Variants in CCDC141 observed in about 807,000 individuals in gnomAD.
CCDC141 encodes coiled-coil domain containing 141, also known as coiled-coil domain-containing protein 141.
A neutral mutation model predicts 181.0 loss-of-function variants in CCDC141; 168 were observed. The observed-to-expected ratio is 0.93, with a 90% CI of 0.82 to 1.05. The LOEUF (loss-of-function observed/expected upper bound fraction) is 1.05. Ranked by LOEUF, CCDC141 falls within the 50% of genes least tolerant of loss-of-function variation. The probability of loss-of-function intolerance (pLI) is 0.00; values close to 1 mark genes in which losing one functional copy is unlikely to be tolerated. For synonymous variants in CCDC141, 666 were observed against 642.3 expected, an observed-to-expected ratio of 1.04 and a Z score of -0.56; for missense variants, 1,902 against 1,788.5, an observed-to-expected ratio of 1.06 and a Z score of -1.14.
At chr2:178,898,699 T>C (rs966504674) in intron 8 of CCDC141, among the ~76,000 whole-genome samples, 1 of 152,146 alleles carries the variant, frequency 6.6e-6, no homozygotes, top group African/African-American at 2.4e-5. Context: ...TAAAACAGTG[T>C]AAGTCTGTTC....
chr2:178,827,197 G>C (rs540805814), downstream of CCDC141, among the ~76,000 whole-genome samples: 1 of 151,998 alleles, frequency 6.6e-6, no homozygotes, highest in African/African-American at 2.4e-5. Context: ...TCATTCCATT[G>C]TGGTCTGAAA....
chr2:178,907,180 T>C (rs1688009538), intron 7 of CCDC141, among the ~76,000 whole-genome samples: 1 of 152,220 alleles, frequency 6.6e-6, no homozygotes, highest in Admixed American at 6.5e-5. Context: ...TCTTATTCAG[T>C]CAATGAATAT....
intron 11 of CCDC141, among the ~76,000 whole-genome samples, chr2:178,882,517 C>G (rs1686671991): frequency 6.6e-6 from 1 of 152,024 alleles, no homozygotes; most frequent in Admixed American, 6.6e-5. Flanking sequence ...TTTATTGGAA[C>G]CCATGGAGGA....
chr2:178,923,352 C>A (rs182065281), intron 6 of CCDC141, among the ~76,000 whole-genome samples: 9 of 152,246 alleles, frequency 5.9e-5, no homozygotes, highest in African/African-American at 2.2e-4. Flanking sequence ...GATCCGCCCG[C>A]CTCGGCCTCC....
chr2:178,817,815 CTTCT>C, the CCDC141 span: 1 of 287,186 alleles, frequency 3.5e-6, no homozygotes, highest in African/African-American at 2.8e-5. Flanking sequence ...CCCTCCCTCC[CTTCT>C]TTCAATGGAG....
intron 7 of CCDC141, among the ~76,000 whole-genome samples, chr2:178,909,223 AATGAT>A (rs1282956003): frequency 5.4e-5 from 8 of 149,370 alleles, no homozygotes; most frequent in Admixed American, 5.3e-4. Context: ...AGAAGGAGGG[AATGAT>A]ATATCAAGGA....
chr2:178,924,503 G>T (rs1330084120), intron 6 of CCDC141, among the ~76,000 whole-genome samples: 4 of 151,422 alleles, frequency 2.6e-5, no homozygotes, highest in African/African-American at 9.7e-5. Flanking sequence ...TTTTTTTACA[G>T]AAATGTTTAT....
chr2:179,037,690 A>T (rs1007418735), intron 2 of CCDC141, among the ~76,000 whole-genome samples: 1 of 152,228 alleles, frequency 6.6e-6, no homozygotes, highest in Admixed American at 6.5e-5. Context: ...TGGACAAAGG[A>T]TTTGAATAGA....
In CCDC141 at chr2:178,837,150, T is replaced by C. The variant is rs368248275; in HGVS notation, c.4069A>G (p.Lys1357Glu). 32 of 1,613,872 alleles carry C rather than the reference T, an allele frequency of 2.0e-5. No individual in the cohort carries two copies. The highest frequency in any genetic ancestry group is 2.7e-5 in the Non-Finnish European group (32 of 1,179,968). Residue 1357 changes from lysine (K) to glutamate (E), a missense_variant, in exon 23 of 24, where the codon AAA becomes GAA. Coordinates refer to ENST00000443758, the MANE Select transcript of CCDC141 (RefSeq NM_173648.4). ...EKMHADNNFTKTQDRLHASSD... is the reference protein window; with the variant it reads ...EKMHADNNFTETQDRLHASSD... ...GAAGCATGCAGCCTATCTTGGGTTT[T>C]AGTGAAGTTATTATCAGCATGCATT...
intron 6 of CCDC141, among the ~76,000 whole-genome samples, chr2:178,920,642 TGA>T (rs1688646005): frequency 6.6e-6 from 1 of 151,478 alleles, no homozygotes; most frequent in Non-Finnish European, 1.5e-5. Flanking sequence ...GAGGATCGCT[TGA>T]GACCAGGAAG....
chr2:179,049,067 C>G (rs997923122), intron 1 of CCDC141, among the ~76,000 whole-genome samples: 3 of 152,146 alleles, frequency 2.0e-5, no homozygotes, highest in African/African-American at 7.2e-5. Flanking sequence ...AAGCCCAAGC[C>G]TAGTGCTTGA....
At position 178,831,874 on chromosome 2, in the gene CCDC141, TTCTC is replaced by T. The variant is rs150655830; in HGVS notation, c.*2295_*2298del. 2.0e-5 allele frequency: 3 copies of T among 152,032 alleles called. No individual in the cohort carries two copies. Among genetic ancestry groups the T allele is most frequent in the African/African-American group, 4.8e-5 (2 of 41,370 alleles). 9.4% of individuals were successfully genotyped at this position (152,032 alleles called of 1,614,324 possible). A position where few individuals can be genotyped will look rare whatever the true frequency, so the allele number is the denominator to read the frequency against. ...TGCTCCCCCACCCCCACCTTTCTCTTTCTCTCTCTCTCTAAAAATGGATTTTGCA... is the reference window on the plus strand; with the variant it reads ...TGCTCCCCCACCCCCACCTTTCTCTTTCTCTCTCTAAAAATGGATTTTGCA... On this transcript the variant is annotated 3_prime_UTR_variant, in exon 24 of 24. Transcript: ENST00000443758.
intron 6 of CCDC141, among the ~76,000 whole-genome samples, chr2:178,920,603 G>A (rs950564677): frequency 6.6e-6 from 1 of 151,976 alleles, no homozygotes; most frequent in Admixed American, 6.6e-5. Flanking sequence ...CATGCTTGTA[G>A]TTCCAGCTAC....
intron 8 of CCDC141, among the ~76,000 whole-genome samples, chr2:178,896,577 TG>T (rs1197228934): frequency 5.9e-5 from 9 of 152,174 alleles, no homozygotes; most frequent in African/African-American, 2.2e-4. Flanking sequence ...AAATTTTAAG[TG>T]CACTAAAATA....
chr2:178,837,183 G>C lies in CCDC141; in HGVS notation c.4036C>G (p.Arg1346Gly). The C allele has an allele frequency of 6.2e-7, 1 of 1,613,928 alleles. No individual in the cohort carries two copies. Among genetic ancestry groups the C allele is most frequent in the Non-Finnish European group, 8.5e-7 (1 of 1,179,950 alleles). The stretch of plus-strand genomic sequence containing the variant: ...TTATTATCAGCATGCATTTTCTCCC[G>C]TGTTTCTAGCAAACCACCCTGAGCC... The part of the protein sequence containing the change: ...PQAQGGLLET[R>G]EKMHADNNFT... Residue 1346 changes from arginine to glycine, a missense_variant, in exon 23 of 24, where the codon CGG (arginine) becomes GGG (glycine). Transcript: ENST00000443758.
At chr2:178,841,844 G>A (rs925986664) in intron 22 of CCDC141, among the ~76,000 whole-genome samples, 7 of 152,146 alleles carry the variant, frequency 4.6e-5, no homozygotes, top group Non-Finnish European at 8.8e-5. Context: ...TGTTGGCCAG[G>A]CTGGTCTTGA....
At chr2:178,949,620 A>G (rs1468553323) in intron 5 of CCDC141, among the ~76,000 whole-genome samples, 2 of 152,232 alleles carry the variant, frequency 1.3e-5, no homozygotes, top group Non-Finnish European at 2.9e-5. Context: ...TATAGAATCC[A>G]ATTTTAACAC....
At chr2:178,880,040 A>C (rs1339578689) in intron 11 of CCDC141, among the ~76,000 whole-genome samples, 1 of 152,328 alleles carries the variant, frequency 6.6e-6, no homozygotes, top group African/African-American at 2.4e-5. Context: ...CTACCGATAG[A>C]TGAGTCGGAA....
chr2:178,818,084 T>C, the CCDC141 span, among the ~76,000 whole-genome samples: 2 of 152,270 alleles, frequency 1.3e-5, no homozygotes, highest in African/African-American at 4.8e-5. Flanking sequence ...ATTACAGGCG[T>C]GAGCCACCGC....
Sources: gnomAD v4.1 joint callset for allele counts (sites outside exome capture counted in the v4.1 genomes callset) on GRCh38, gnomAD v4.1.1 for gene constraint, MANE v1.5 for transcripts, NCBI Gene and HGNC (gene_info 2026-07-23, HGNC 2026-07-21) for gene names.